Variants in FUT4 observed in about 807,000 individuals in gnomAD.
FUT4 encodes fucosyltransferase 4, also known as alpha-(1,3)-fucosyltransferase 4.
A neutral mutation model predicts 3.8 loss-of-function variants in FUT4; 1 was observed. The observed-to-expected ratio is 0.26, with a 90% CI of 0.09 to 1.25. FUT4 has a LOEUF of 1.25. FUT4 is among the 50% of genes most tolerant of loss of function. FUT4 has a pLI of 0.47. For missense variants in FUT4, 880 were observed against 768.2 expected (o/e 1.15, Z -1.72); for synonymous variants, 417 against 355.3 (o/e 1.17, Z -1.95).
rs1331607558 is a variant in FUT4, at chr11:94,545,600, C to T, written c.1467C>T (p.Arg489=). 1 of 1,613,526 alleles carries T rather than the reference C, an allele frequency of 6.2e-7. No homozygotes were observed. The highest frequency in any genetic ancestry group is 1.1e-5 in the South Asian group (1 of 91,088). ...TCTATCGCCGCTACTTCCACTGGCG[C>T]CGGAGCTACGCTGTCCACATCACCT... ...PAVYRRYFHW[R]RSYAVHITSF... is the part of the protein sequence containing the mutation. Residue 489 remains arginine (R), a synonymous_variant, in exon 1 of 1, where the codon CGC becomes CGT. Transcript: ENST00000358752.
chr11:94,544,525 G>C lies in FUT4; in HGVS notation c.392G>C (p.Gly131Ala). The C allele has an allele frequency of 1.5e-6, 2 of 1,299,212 alleles. No homozygotes were observed. The highest frequency in any genetic ancestry group is 2.7e-5 in the South Asian group (1 of 37,236). The allele number at this position is 1,299,212 out of a possible 1,614,324, so 80.5% of individuals were successfully genotyped here. A position where few individuals can be genotyped will look rare whatever the true frequency, so the allele number is the denominator to read the frequency against. Reference protein sequence around the residue: ...LPVRAMGAPWGSPTAAAGGRR... With the variant: ...LPVRAMGAPWASPTAAAGGRR... ...GTTCGCGCCATGGGGGCACCGTGGG[G>C]CTCGCCGACGGCGGCGGCGGGCGGG... is the stretch of plus-strand genomic sequence containing the variant. The change falls in exon 1 of 1, where the codon GGC becomes GCC. Residue 131 changes from glycine (G) to alanine (A), a missense_variant. Coordinates refer to ENST00000358752, the MANE Select transcript of FUT4 (RefSeq NM_002033.4).
rs1194725445 is a variant in FUT4 at position 94,546,648 on chromosome 11, G to A, written c.*922G>A. 6.0e-6 allele frequency: 1 copy of A among 166,270 alleles called. No homozygotes were observed. Among genetic ancestry groups the A allele is most frequent in the Non-Finnish European group, 1.5e-5 (1 of 68,112 alleles). 10.3% of individuals were successfully genotyped at this position (166,270 alleles called of 1,614,324 possible). A position where few individuals can be genotyped will look rare whatever the true frequency, so the allele number is the denominator to read the frequency against. On this transcript the variant is annotated 3_prime_UTR_variant, in exon 1 of 1. Coordinates refer to ENST00000358752, the MANE Select transcript of FUT4 (RefSeq NM_002033.4). The stretch of plus-strand genomic sequence containing the variant: ...CCCTCTTCCCAGAAAACCAGTCTGT[G>A]TTTACAGACAGAAGAGAAGGAAGCC...
rs1304937187 is a variant in FUT4, at chr11:94,545,408, G to T, written c.1275G>T (p.Lys425Asn). The change falls in exon 1 of 1, where the codon AAG (lysine) becomes AAT (asparagine). Residue 425 changes from lysine to asparagine, a missense_variant. This residue lies in a region of FUT4 where 424 missense variants were observed against 400.4 expected (regional missense o/e 1.06). Coordinates refer to ENST00000358752, the MANE Select transcript of FUT4 (RefSeq NM_002033.4). ...NSQHLDYITE[K>N]LWRNALLAGA... ...AGCACCTGGATTATATCACCGAGAA[G>T]CTCTGGCGCAACGCGTTGCTCGCTG... 1 of 1,613,096 alleles carries T rather than the reference G, an allele frequency of 6.2e-7. No homozygotes were observed. Among genetic ancestry groups the T allele is most frequent in the Admixed American group, 1.7e-5 (1 of 60,002 alleles).
Position 94,545,941 on chromosome 11 carries a change from C to T in FUT4, c.*215C>T, listed in dbSNP as rs1947857291. 2 of 711,430 alleles carry T rather than the reference C, an allele frequency of 2.8e-6. No homozygotes were observed. The highest frequency in any genetic ancestry group is 3.0e-5 in the South Asian group (2 of 66,654). The allele number at this position is 711,430 out of a possible 1,614,324, so 44.1% of individuals were successfully genotyped here. ...TTTGCACAGCTAGCAATTGGGCTCC[C>T]TTTGCTGCTGATGGGCATCATTGTT... is the stretch of plus-strand genomic sequence containing the variant. On this transcript the variant is annotated 3_prime_UTR_variant, in exon 1 of 1. Transcript: ENST00000358752.
Position 94,545,343 on chromosome 11 carries a change from G to A in FUT4, c.1210G>A (p.Val404Met). The change falls in exon 1 of 1, where the codon GTG (valine) becomes ATG (methionine). Residue 404 changes from valine (V) to methionine (M), a missense_variant. By Grantham distance (21) the Val-to-Met change is conservative. This residue lies in a region of FUT4 where 424 missense variants were observed against 400.4 expected (regional missense o/e 1.06). Transcript: ENST00000358752. ...PVPEIGLLHT[V>M]ARYKFYLAFE... ...GCCCGAAATTGGGCTCCTGCACACA[G>A]TGGCCCGCTACAAGTTCTACCTGGC... is the stretch of plus-strand genomic sequence containing the variant. The A allele has an allele frequency of 1.2e-6, 2 of 1,612,944 alleles. No individual in the cohort carries two copies. The highest frequency in any genetic ancestry group is 1.7e-6 in the Non-Finnish European group (2 of 1,179,886).
At position 94,544,627 on chromosome 11, in the gene FUT4, C is replaced by T; in HGVS notation, c.494C>T (p.Ala165Val). ...GCGGCCGCCGGCTTGACGTGTACGG[C>T]GCTGATCACCTACGCTTGCTGGGGG... ...VLAAAGLTCT[A>V]LITYACWGQL... Residue 165 changes from alanine (A) to valine (V), a missense_variant, in exon 1 of 1, where the codon GCG (alanine) becomes GTG (valine). Coordinates refer to ENST00000358752, the MANE Select transcript of FUT4 (RefSeq NM_002033.4). 1 of 1,504,104 alleles carries T rather than the reference C, an allele frequency of 6.6e-7. No homozygotes were observed. The allele number at this position is 1,504,104 out of a possible 1,614,324, so 93.2% of individuals were successfully genotyped here. A position where few individuals can be genotyped will look rare whatever the true frequency, so the allele number is the denominator to read the frequency against.
At position 94,545,139 on chromosome 11, in the gene FUT4, A is replaced by G; in HGVS notation, c.1006A>G (p.Arg336Gly). ...VFVPYGYLYP[R>G]SHPGDPPSGL... is the part of the protein sequence containing the mutation. ...TGTGCCTTATGGCTACCTCTACCCCAGAAGCCACCCCGGCGACCCGCCCTC... is the reference window on the plus strand; with the variant it reads ...TGTGCCTTATGGCTACCTCTACCCCGGAAGCCACCCCGGCGACCCGCCCTC... Residue 336 changes from arginine (R) to glycine (G), a missense_variant, in exon 1 of 1, where the codon AGA (arginine) becomes GGA (glycine). Physicochemically the swap from Arg to Gly is moderately radical, Grantham distance 125. This residue lies in a region of FUT4 where 424 missense variants were observed against 400.4 expected (regional missense o/e 1.06). Coordinates refer to ENST00000358752, the MANE Select transcript of FUT4 (RefSeq NM_002033.4). The G allele has an allele frequency of 6.2e-7, 1 of 1,612,032 alleles. No individual in the cohort carries two copies. The highest frequency in any genetic ancestry group is 8.5e-7 in the Non-Finnish European group (1 of 1,179,818).
At position 94,544,791 on chromosome 11, in the gene FUT4, T is replaced by G; in HGVS notation, c.658T>G (p.Cys220Gly). Residue 220 changes from cysteine (C) to glycine (G), a missense_variant, in exon 1 of 1, where the codon TGC (cysteine) becomes GGC (glycine). Cys to Gly is a radical substitution (Grantham distance 159, BLOSUM62 -3). Coordinates refer to ENST00000358752, the MANE Select transcript of FUT4 (RefSeq NM_002033.4). Reference sequence around the variant, plus strand: ...CCGGCTGCGCTTCAACATCAGCGGCTGCCGCCTGCTCACCGACCGCGCGTC... The same window carrying G: ...CCGGCTGCGCTTCAACATCAGCGGCGGCCGCCTGCTCACCGACCGCGCGTC... ...DCRLRFNISG[C>G]RLLTDRASYG... 3.8e-6 allele frequency: 6 copies of G among 1,592,774 alleles called. No individual in the cohort carries two copies. The highest frequency in any genetic ancestry group is 5.1e-6 in the Non-Finnish European group (6 of 1,176,538).
Position 94,544,934 on chromosome 11 carries a change from G to C in FUT4, c.801G>C (p.Val267=). ...CTGCCGAGGAGGTGGATCTGCGCGT[G>C]TTGGACTACGAGGAGGCAGCGGCGG... ...AHTAEEVDLR[V]LDYEEAAAAA... Residue 267 remains valine (V), a synonymous_variant, in exon 1 of 1, where the codon GTG becomes GTC. Transcript: ENST00000358752. The C allele has an allele frequency of 1.2e-6, 2 of 1,607,480 alleles. No homozygotes were observed. The highest frequency in any genetic ancestry group is 1.7e-6 in the Non-Finnish European group (2 of 1,177,746).
rs1382340326 is a variant in FUT4, at chr11:94,545,318, G to T, written c.1185G>T (p.Val395=). 1.2e-6 allele frequency: 2 copies of T among 1,612,648 alleles called. No homozygotes were observed. The highest frequency in any genetic ancestry group is 1.7e-5 in the Admixed American group (1 of 60,012). The change falls in exon 1 of 1, where the codon GTG becomes GTT. Residue 395 remains valine, a synonymous_variant. Transcript: ENST00000358752. ...VFGRGGPGQP[V]PEIGLLHTVA... ...GCCGGGGCGGGCCGGGGCAGCCGGT[G>T]CCCGAAATTGGGCTCCTGCACACAG...
In FUT4 at chr11:94,546,315, G is replaced by C. The variant is rs1030128793; in HGVS notation, c.*589G>C. ...CTGACTTCTTTCACAAGTACTATCT[G>C]TTCCCCTGTCCTGTGAATGGAAGCA... On this transcript the variant is annotated 3_prime_UTR_variant, in exon 1 of 1. Coordinates refer to ENST00000358752, the MANE Select transcript of FUT4 (RefSeq NM_002033.4). 4.5e-6 allele frequency: 1 copy of C among 222,638 alleles called. No homozygotes were observed. The highest frequency in any genetic ancestry group is 9.9e-6 in the Non-Finnish European group (1 of 101,062). 13.8% of individuals were successfully genotyped at this position (222,638 alleles called of 1,614,324 possible).
At position 94,545,053 on chromosome 11, in the gene FUT4, G is replaced by A. The variant is rs202228624; in HGVS notation, c.920G>A (p.Arg307Gln). ...FESPSHSPGL[R>Q]SLASNLFNWT... ...TCGCCCTCGCACTCCCCGGGGCTGC[G>A]AAGCCTGGCAAGTAACCTCTTCAAC... Residue 307 changes from arginine (R) to glutamine (Q), a missense_variant, in exon 1 of 1, where the codon CGA becomes CAA. Arg to Gln is a conservative substitution (Grantham distance 43). Coordinates refer to ENST00000358752, the MANE Select transcript of FUT4 (RefSeq NM_002033.4). 23 of 1,612,294 alleles carry A rather than the reference G, an allele frequency of 1.4e-5. No homozygotes were observed. The African/African-American group carries it at 2.5e-4, about 18-fold the overall frequency.
rs1236115565 is a variant in FUT4 at position 94,544,355 on chromosome 11, G to A, written c.222G>A (p.Pro74=). 1.9e-6 allele frequency: 3 copies of A among 1,547,546 alleles called. No homozygotes were observed. Among genetic ancestry groups the A allele is most frequent in the Non-Finnish European group, 2.6e-6 (3 of 1,154,390 alleles). The change falls in exon 1 of 1, where the codon CCG becomes CCA. Residue 74 remains proline, a synonymous_variant. Coordinates refer to ENST00000358752, the MANE Select transcript of FUT4 (RefSeq NM_002033.4). The stretch of plus-strand genomic sequence containing the variant: ...ACTTGGGAGGAGCAGGGCAGGGCCC[G>A]CGGCCTTTGCATTCTGGGACCGCCC... ...ARHLGGAGQG[P]RPLHSGTAPF... is the part of the protein sequence containing the mutation.
At position 94,548,256 on chromosome 11, in the gene FUT4, T is replaced by TA. The variant is rs1316519594; in HGVS notation, c.*2530_*2531insA. 3.2e-4 allele frequency: 52 copies of TA among 161,332 alleles called. 1 individual carries two copies. Among genetic ancestry groups the TA allele is most frequent in the African/African-American group, 1.2e-3 (48 of 41,380 alleles). The allele number at this position is 161,332 out of a possible 1,614,324, so 10.0% of individuals were successfully genotyped here. On this transcript the variant is annotated 3_prime_UTR_variant, in exon 1 of 1. Coordinates refer to ENST00000358752, the MANE Select transcript of FUT4 (RefSeq NM_002033.4). ...AGGAAGGTATAATTGCATTTTTTTTTTTTTGAGACGGAGTCTTGCACTGTA... is the reference window on the plus strand; with the variant it reads ...AGGAAGGTATAATTGCATTTTTTTTTATTTTGAGACGGAGTCTTGCACTGTA...
In FUT4 at chr11:94,545,619, A is replaced by C. The variant is rs139614833; in HGVS notation, c.1486A>C (p.Ile496Leu). 3.9e-5 allele frequency: 63 copies of C among 1,613,230 alleles called. No individual in the cohort carries two copies. In the African/African-American group the frequency reaches 6.9e-4, roughly 18 times the overall value. Residue 496 changes from isoleucine (I) to leucine (L), a missense_variant, in exon 1 of 1, where the codon ATC becomes CTC. By Grantham distance (5) the Ile-to-Leu change is conservative. Around this residue, in one of 3 missense-constraint regions of FUT4, gnomAD observed 424 missense variants for 400.4 expected, o/e 1.06. Transcript: ENST00000358752. ...CTGGCGCCGGAGCTACGCTGTCCACATCACCTCCTTCTGGGACGAGCCTTG... is the reference window on the plus strand; with the variant it reads ...CTGGCGCCGGAGCTACGCTGTCCACCTCACCTCCTTCTGGGACGAGCCTTG... ...FHWRRSYAVH[I>L]TSFWDEPWCR...
In FUT4 at chr11:94,545,606, C is replaced by T. The variant is rs767047234; in HGVS notation, c.1473C>T (p.Ser491=). ...VYRRYFHWRR[S]YAVHITSFWD... is the part of the protein sequence containing the mutation. Reference sequence around the variant, plus strand: ...GCCGCTACTTCCACTGGCGCCGGAGCTACGCTGTCCACATCACCTCCTTCT... The same window carrying T: ...GCCGCTACTTCCACTGGCGCCGGAGTTACGCTGTCCACATCACCTCCTTCT... Residue 491 remains serine, a synonymous_variant, in exon 1 of 1, where the codon AGC becomes AGT. Transcript: ENST00000358752. 1.6e-5 allele frequency: 26 copies of T among 1,613,332 alleles called. No homozygotes were observed. The highest frequency in any genetic ancestry group is 2.1e-5 in the Non-Finnish European group (25 of 1,180,044).
chr11:94,544,115 A>G lies in FUT4; in HGVS notation c.-19A>G. Reference sequence around the variant, plus strand: ...GCAGAGGGAAACCGGATCAGTTGAGAGAGAATCAAGAGTAGCGGATGAGGC... The same window carrying G: ...GCAGAGGGAAACCGGATCAGTTGAGGGAGAATCAAGAGTAGCGGATGAGGC... On this transcript the variant is annotated 5_prime_UTR_variant, in exon 1 of 1. Transcript: ENST00000358752. The G allele has an allele frequency of 1.4e-6, 2 of 1,381,374 alleles. No homozygotes were observed. The highest frequency in any genetic ancestry group is 1.9e-6 in the Non-Finnish European group (2 of 1,068,674). The allele number at this position is 1,381,374 out of a possible 1,614,324, so 85.6% of individuals were successfully genotyped here.
chr11:94,545,388 C>G lies in FUT4; in HGVS notation c.1255C>G (p.Leu419Val), dbSNP rs779120740. 1.9e-6 allele frequency: 3 copies of G among 1,612,994 alleles called. No individual in the cohort carries two copies. Among genetic ancestry groups the G allele is most frequent in the Non-Finnish European group, 2.5e-6 (3 of 1,179,864 alleles). Residue 419 changes from leucine to valine, a missense_variant, in exon 1 of 1, where the codon CTG becomes GTG. Coordinates refer to ENST00000358752, the MANE Select transcript of FUT4 (RefSeq NM_002033.4). Reference protein sequence around the residue: ...FYLAFENSQHLDYITEKLWRN... With the variant: ...FYLAFENSQHVDYITEKLWRN... The stretch of plus-strand genomic sequence containing the variant: ...CCTGGCTTTCGAGAACTCGCAGCAC[C>G]TGGATTATATCACCGAGAAGCTCTG...
In FUT4 at chr11:94,548,945, A is replaced by C. The variant is rs1419488149; in HGVS notation, c.*3219A>C. ...GACAGAGGAGTTTCATGTAAAGAGC[A>C]TGCAGTTTGGAGTCAGAACCTGGGT... is the stretch of plus-strand genomic sequence containing the variant. On this transcript the variant is annotated 3_prime_UTR_variant, in exon 1 of 1. Transcript: ENST00000358752. 6.0e-6 allele frequency: 1 copy of C among 167,056 alleles called. No homozygotes were observed. Among genetic ancestry groups the C allele is most frequent in the Non-Finnish European group, 1.5e-5 (1 of 68,122 alleles). 10.3% of individuals were successfully genotyped at this position (167,056 alleles called of 1,614,324 possible). A position where few individuals can be genotyped will look rare whatever the true frequency, so the allele number is the denominator to read the frequency against.
Sources: gnomAD v4.1 joint callset for allele counts on GRCh38, gnomAD v4.1.1 for gene constraint, gnomAD v4.1.1 regional missense constraint, MANE v1.5 for transcripts, NCBI Gene and HGNC (gene_info 2026-07-23, HGNC 2026-07-21) for gene names.